Variants in COG5 observed in about 807,000 individuals in gnomAD.
COG5 encodes the protein conserved oligomeric Golgi complex subunit 5.
In COG5, 86 loss-of-function variants were observed where a neutral mutation model predicts 110.4. The ratio of observed to expected loss-of-function variants is 0.78; its 90% CI spans 0.65 to 0.93. The LOEUF is 0.93. Among genes scored for constraint, COG5 ranks in the 40% least tolerant of loss-of-function variants. COG5 has a pLI of 0.00. For synonymous variants in COG5, 360 were observed against 334.6 expected (o/e 1.08, Z -0.83); for missense variants, 1,077 against 987.0 (o/e 1.09, Z -1.22).
At chr7:107,501,039 AAATT>A (rs1309930516) in intron 6 of COG5, among the ~76,000 whole-genome samples, 1 of 152,138 alleles carries the variant, frequency 6.6e-6, no homozygotes, top group Non-Finnish European at 1.5e-5. Flanking sequence ...ATAAAGGAAT[AAATT>A]ATCTTGGCAA....
intron 12 of COG5, among the ~76,000 whole-genome samples, chr7:107,294,454 C>T (rs375215348): frequency 6.6e-6 from 1 of 151,518 alleles, no homozygotes; most frequent in Non-Finnish European, 1.5e-5. Context: ...TCTGTGCTGG[C>T]CCCCCCTAAG....
intron 16 of COG5, among the ~76,000 whole-genome samples, chr7:107,252,122 C>A (rs1280868469): frequency 6.6e-6 from 1 of 152,058 alleles, no homozygotes; most frequent in Non-Finnish European, 1.5e-5. Flanking sequence ...TTCAAAGGCT[C>A]AAGCAGAAGG....
In COG5 at chr7:107,356,307, T is replaced by C. The variant is rs372859091; in HGVS notation, c.1026+5726A>G. 2.8e-4 allele frequency among the ~76,000 whole-genome samples: 43 copies of C among 152,360 alleles called. No homozygotes were observed. In the East Asian group the frequency reaches 6.9e-3, roughly 25 times the overall value. The stretch of plus-strand genomic sequence containing the variant: ...ATATTCTTAATTTTCCTACTTGATA[T>C]GGAATTAATAATGTAACTGTTTATA... On this transcript the variant is annotated intron_variant, in intron 10 of 21. Transcript: ENST00000297135.
At chr7:107,381,783 T>G (rs1815144364) in intron 7 of COG5, among the ~76,000 whole-genome samples, 1 of 152,226 alleles carries the variant, frequency 6.6e-6, no homozygotes, top group Non-Finnish European at 1.5e-5. Flanking sequence ...ACTTTTTGAC[T>G]TTTGGTTGGA....
At chr7:107,445,090 T>C (rs1794928054) in intron 6 of COG5, among the ~76,000 whole-genome samples, 1 of 151,874 alleles carries the variant, frequency 6.6e-6, no homozygotes, top group Non-Finnish European at 1.5e-5. Context: ...TAGGAGTATC[T>C]CAGGAGCTTC....
At position 107,223,992 on chromosome 7, in the gene COG5, T is replaced by A. The variant is rs147849159; in HGVS notation, c.2168+6623A>T. On this transcript the variant is annotated intron_variant, in intron 19 of 21. Transcript: ENST00000297135. Reference sequence around the variant, plus strand: ...AACTAAATATTCAACTCTTCATGTTTACCTGGGTGCGCTTAGCACTGCCAA... The same window carrying A: ...AACTAAATATTCAACTCTTCATGTTAACCTGGGTGCGCTTAGCACTGCCAA... 3.6e-3 allele frequency among the ~76,000 whole-genome samples: 544 copies of A among 152,380 alleles called. 3 individuals carry two copies. The highest frequency in any genetic ancestry group is 6.8e-3 in the Middle Eastern group (2 of 294).
At chr7:107,552,215 T>C (rs569506356) in intron 3 of COG5, among the ~76,000 whole-genome samples, 211 of 152,336 alleles carry the variant, frequency 1.4e-3, no homozygotes, top group African/African-American at 4.8e-3. Context: ...AAAACTAGCA[T>C]GTTTTCAAGA....
At chr7:107,235,804 C>T (rs1428088071) in intron 18 of COG5, among the ~76,000 whole-genome samples, 1 of 152,118 alleles carries the variant, frequency 6.6e-6, no homozygotes, top group Non-Finnish European at 1.5e-5. Context: ...TTCTTCATTG[C>T]CTACTGAAAG....
chr7:107,416,329 G>C (rs1006266043), intron 6 of COG5, among the ~76,000 whole-genome samples: 1 of 151,968 alleles, frequency 6.6e-6, no homozygotes, highest in Non-Finnish European at 1.5e-5. Flanking sequence ...TGACAGGTAT[G>C]TACATATGGT....
intron 5 of COG5, among the ~76,000 whole-genome samples, chr7:107,534,654 AC>A (rs1801451304): frequency 6.6e-6 from 1 of 151,544 alleles, no homozygotes. Flanking sequence ...ATACAGGACC[AC>A]CCAGATTCAT....
chr7:107,429,115 A>G (rs1426163050), intron 6 of COG5, among the ~76,000 whole-genome samples: 1 of 152,212 alleles, frequency 6.6e-6, no homozygotes, highest in Non-Finnish European at 1.5e-5. Flanking sequence ...TAAGTAACAG[A>G]ATATTACTAA....
intron 11 of COG5, among the ~76,000 whole-genome samples, chr7:107,312,910 T>C (rs1427736603): frequency 6.6e-6 from 1 of 152,114 alleles, no homozygotes; most frequent in African/African-American, 2.4e-5. Context: ...AATTAGAAAC[T>C]GAAGGAATCT....
At chr7:107,444,424 TG>T in intron 6 of COG5, among the ~76,000 whole-genome samples, 1 of 152,180 alleles carries the variant, frequency 6.6e-6, no homozygotes, top group Non-Finnish European at 1.5e-5. Flanking sequence ...ACAGGCCAAA[TG>T]GTTCAGGATT....
chr7:107,407,122 C>T (rs1267114421), intron 7 of COG5, among the ~76,000 whole-genome samples: 2 of 152,176 alleles, frequency 1.3e-5, no homozygotes, highest in African/African-American at 4.8e-5. Context: ...TGGCTCACGC[C>T]TGTAATCCCA....
At chr7:107,552,818 T>C (rs1803013161) in intron 3 of COG5, among the ~76,000 whole-genome samples, 1 of 152,194 alleles carries the variant, frequency 6.6e-6, no homozygotes, top group Non-Finnish European at 1.5e-5. Flanking sequence ...TGCACTTGTA[T>C]GTTCATCACA....
At chr7:107,545,534 C>T (rs1325431191) in intron 5 of COG5, among the ~76,000 whole-genome samples, 4 of 151,990 alleles carry the variant, frequency 2.6e-5, no homozygotes, top group Admixed American at 6.6e-5. Flanking sequence ...AATCCTAGCA[C>T]GTGGGGAGGC....
chr7:107,496,471 C>G lies in COG5; in HGVS notation c.538+30766G>C, dbSNP rs549402215. Among the ~76,000 whole-genome samples the G allele has an allele frequency of 2.1e-4, 32 of 152,096 alleles. 1 individual carries two copies. In the South Asian group the frequency reaches 6.2e-3, roughly 30 times the overall value. Reference sequence around the variant, plus strand: ...GTCAGCAGTTGGAGACCAGCCCAGCCAACATGGAGAAACCCCCATCTCTAC... The same window carrying G: ...GTCAGCAGTTGGAGACCAGCCCAGCGAACATGGAGAAACCCCCATCTCTAC... On this transcript the variant is annotated intron_variant, in intron 6 of 21. Coordinates refer to ENST00000297135, the MANE Select transcript of COG5 (RefSeq NM_006348.5).
At chr7:107,387,182 T>C (rs778041510) in intron 7 of COG5, among the ~76,000 whole-genome samples, 2 of 151,974 alleles carry the variant, frequency 1.3e-5, no homozygotes, top group Admixed American at 6.6e-5. Context: ...GTCAAGCAGA[T>C]GGTAAATTAA....
At chr7:107,324,569 T>G in intron 10 of COG5, 48 bp from the exon 11 acceptor site, 3 of 1,122,560 alleles carry the variant, frequency 2.7e-6, no homozygotes, top group Non-Finnish European at 4.0e-6. Flanking sequence ...AATGCATTTA[T>G]TTTAAGAAAT....
Sources: gnomAD v4.1 joint callset for allele counts (sites outside exome capture counted in the v4.1 genomes callset) on GRCh38, gnomAD v4.1.1 for gene constraint, MANE v1.5 for transcripts, NCBI Gene and HGNC (gene_info 2026-07-23, HGNC 2026-07-21) for gene names.